The following PLD4 variants were observed in gnomAD, a reference collection of about 807,000 sequenced individuals.
The protein encoded by PLD4 is phospholipase D family member 4.
Under a neutral mutation model 52.3 loss-of-function variants are expected in PLD4, and 54 were observed. The ratio of observed to expected loss-of-function variants is 1.03; its 90% confidence interval spans 0.83 to 1.30. The LOEUF is 1.30. Among genes scored for constraint, PLD4 ranks in the 50% most tolerant of loss-of-function variants. The pLI is 0.00. For synonymous variants in PLD4, 264 were observed against 286.5 expected (o/e 0.92, Z 0.79); for missense variants, 731 against 671.1 (o/e 1.09, Z -0.99).
At chr14:104,927,369 T>C in intron 2 of PLD4, 139 bp downstream of exon 2, 3 of 817,390 alleles carry the variant, frequency 3.7e-6, no homozygotes, top group Non-Finnish European at 3.7e-6. Flanking sequence ...AAGGGAAGCC[T>C]CCCTGGGCTG....
At position 104,933,210 on chromosome 14, in the gene PLD4, C is replaced by T; in HGVS notation, c.*246C>T. 2.2e-6 allele frequency: 1 copy of T among 447,678 alleles called. No homozygotes were observed. The highest frequency in any genetic ancestry group is 3.6e-5 in the East Asian group (1 of 27,732). The allele number at this position is 447,678 out of a possible 1,614,324, so 27.7% of individuals were successfully genotyped here. A position where few individuals can be genotyped will look rare whatever the true frequency, so the allele number is the denominator to read the frequency against. Reference sequence around the variant, plus strand: ...CCTTCCCTGACTCCTGGCCCACAGGCCAGGCCTAAAAAAAACTCGTGGCTT... The same window carrying T: ...CCTTCCCTGACTCCTGGCCCACAGGTCAGGCCTAAAAAAAACTCGTGGCTT... On this transcript the variant is annotated 3_prime_UTR_variant, in exon 11 of 11. Coordinates refer to ENST00000392593, the MANE Select transcript of PLD4 (RefSeq NM_138790.5).
chr14:104,927,379 G>A, intron 2 of PLD4, 149 bp downstream of exon 2: 3 of 755,020 alleles, frequency 4.0e-6, no homozygotes, highest in South Asian at 4.0e-5. Flanking sequence ...TCCCTGGGCT[G>A]CTCCAGACCT....
In PLD4 at chr14:104,932,384, GC is replaced by G; in HGVS notation, c.1321+33del. 1 of 1,607,828 alleles carries G rather than the reference GC, an allele frequency of 6.2e-7. No individual in the cohort carries two copies. On this transcript the variant is annotated intron_variant, in intron 10 of 10. Transcript: ENST00000392593. The surrounding 1 kb of genome is among the most constrained non-coding windows in gnomAD (Gnocchi z 6.5). ...AGCGCGATCAGATCACGGCGGGCGGGCCCCAGGGTGGCCAGGCACGGGCGAG... is the reference window on the plus strand; with the variant it reads ...AGCGCGATCAGATCACGGCGGGCGGGCCCAGGGTGGCCAGGCACGGGCGAG...
intron 1 of PLD4, among the ~76,000 whole-genome samples, chr14:104,925,861 C>T (rs910783962): frequency 2.6e-5 from 4 of 152,176 alleles, no homozygotes; most frequent in Middle Eastern, 3.4e-3. Context: ...GGAGTTGGGC[C>T]GCAGTGACTT....
rs191212405 is a variant in PLD4 at position 104,931,749 on chromosome 14, C to T, written c.920C>T (p.Ala307Val). ...TCAGGGATTTCTCTCCCGTCACAGG[C>T]GTCGCCACCAGCACTCTGTCCCCAG... Reference protein sequence around the residue: ...DGVPTTAYFSASPPALCPQGR... With the variant: ...DGVPTTAYFSVSPPALCPQGR... The change falls in exon 8 of 11, where the codon GCG (alanine) becomes GTG (valine). Residue 307 changes from alanine (A) to valine (V), a missense_variant and splice_region_variant. Ala to Val is a moderately conservative substitution (Grantham distance 64). Transcript: ENST00000392593. The T allele has an allele frequency of 1.3e-6, 2 of 1,585,124 alleles. No homozygotes were observed. The highest frequency in any genetic ancestry group is 2.3e-5 in the East Asian group (1 of 43,714).
chr14:104,927,350 C>A, intron 2 of PLD4, 120 bp downstream of exon 2: 1 of 927,680 alleles, frequency 1.1e-6, no homozygotes, highest in Non-Finnish European at 1.6e-6. Flanking sequence ...GGTGCCCTGA[C>A]TGGTGGGCAA....
intron 2 of PLD4, 63 bp from the exon 3 acceptor site, chr14:104,927,610 G>A (rs941038069): frequency 8.2e-6 from 12 of 1,463,078 alleles, no homozygotes; most frequent in Middle Eastern, 4.8e-4. Context: ...AGGGGCCATC[G>A]TGGCCCAGCC....
Position 104,933,123 on chromosome 14 carries a change from T to A in PLD4, c.*159T>A. The stretch of plus-strand genomic sequence containing the variant: ...GGCGTCGCAAACCGCCCGCCTGCTC[T>A]CTGATTTCCGAGTCCAGCCCCCCCT... On this transcript the variant is annotated 3_prime_UTR_variant, in exon 11 of 11. Coordinates refer to ENST00000392593, the MANE Select transcript of PLD4 (RefSeq NM_138790.5). 1 of 810,260 alleles carries A rather than the reference T, an allele frequency of 1.2e-6. No individual in the cohort carries two copies. The highest frequency in any genetic ancestry group is 3.1e-5 in the East Asian group (1 of 32,314). The allele number at this position is 810,260 out of a possible 1,614,324, so 50.2% of individuals were successfully genotyped here.
Position 104,932,316 on chromosome 14 carries a change from C to T in PLD4, c.1282C>T (p.His428Tyr), listed in dbSNP as rs762407353. The T allele has an allele frequency of 1.2e-6, 2 of 1,612,554 alleles. No homozygotes were observed. The highest frequency in any genetic ancestry group is 2.2e-5 in the East Asian group (1 of 44,878). The change falls in exon 10 of 11, where the codon CAC becomes TAC. Residue 428 changes from histidine to tyrosine, a missense_variant. Transcript: ENST00000392593. This position sits in a 1 kb window ranked among gnomAD's most constrained non-coding sequence, Gnocchi z 6.5. ...HSNIPFSRVN[H>Y]SKFMVTEKAA... The stretch of plus-strand genomic sequence containing the variant: ...CAACATCCCATTCAGCAGGGTGAAC[C>T]ACAGCAAGTTCATGGTCACGGAGAA...
rs775973174 is a variant in PLD4 at position 104,931,774 on chromosome 14, G to C, written c.945G>C (p.Gln315His). ...CGTCGCCACCAGCACTCTGTCCCCAGGGCCGCACCCGGGACCTGGAGGCGC... is the reference window on the plus strand; with the variant it reads ...CGTCGCCACCAGCACTCTGTCCCCACGGCCGCACCCGGGACCTGGAGGCGC... ...FSASPPALCP[Q>H]GRTRDLEALL... The change falls in exon 8 of 11, where the codon CAG becomes CAC. Residue 315 changes from glutamine to histidine, a missense_variant. By Grantham distance (24) the Gln-to-His change is conservative (BLOSUM62 0). Transcript: ENST00000392593. 7.5e-6 allele frequency: 12 copies of C among 1,589,968 alleles called. No individual in the cohort carries two copies. In the Admixed American group the frequency reaches 1.1e-4, roughly 14 times the overall value.
At chr14:104,929,604 G>T (rs1897575553) in intron 5 of PLD4, among the ~76,000 whole-genome samples, 177 bp downstream of exon 5, 1 of 152,190 alleles carries the variant, frequency 6.6e-6, no homozygotes, top group Admixed American at 6.5e-5. Context: ...CTTCACCTGG[G>T]CACAGGGCTG....
rs542877752 is a variant in PLD4 at position 104,932,708 on chromosome 14, G to A, written c.1322-57G>A. On this transcript the variant is annotated intron_variant, in intron 10 of 10. Transcript: ENST00000392593. This position sits in a 1 kb window ranked among gnomAD's most constrained non-coding sequence, Gnocchi z 6.5. ...CGTAGCCGGGCCTGGCGCTGAGCGG[G>A]CTGCAGAGGGGCCTGTGGGAGCCGG... The A allele has an allele frequency of 4.9e-5, 71 of 1,445,804 alleles. No individual in the cohort carries two copies. In the African/African-American group the frequency reaches 8.5e-4, roughly 17 times the overall value. The allele number at this position is 1,445,804 out of a possible 1,614,324, so 89.6% of individuals were successfully genotyped here.
chr14:104,928,914 C>T lies in PLD4; in HGVS notation c.450C>T (p.Asn150=), dbSNP rs754683873. 16 of 1,602,328 alleles carry T rather than the reference C, an allele frequency of 1.0e-5. No individual in the cohort carries two copies. The highest frequency in any genetic ancestry group is 4.0e-5 in the African/African-American group (3 of 74,720). Residue 150 remains asparagine, a synonymous_variant, in exon 4 of 11, where the codon AAC becomes AAT. Transcript: ENST00000392593. ...TCACAGGGCCTGACATCGGGGTCAA[C>T]GACTCGTCTTCCCAGCTGGTGCGCC... is the stretch of plus-strand genomic sequence containing the variant. ...WSLTGPDIGV[N]DSSSQLGEAL...
Position 104,932,160 on chromosome 14 carries a change from A to ACG in PLD4, c.1207_1208insCG (p.Asn403ThrfsTer7), listed in dbSNP as rs1897673935. ...GCAGGCGCTCAGCAACCCCGCGGCC[A>ACG]ACGTCTCTGTGGACGTGGTGAGGGC... is the stretch of plus-strand genomic sequence containing the variant. On this transcript the variant is annotated frameshift_variant, in exon 9 of 11. Coordinates refer to ENST00000392593, the MANE Select transcript of PLD4 (RefSeq NM_138790.5). LOFTEE classifies it high-confidence loss of function. The surrounding 1 kb of genome is among the most constrained non-coding windows in gnomAD (Gnocchi z 6.5). 6.2e-7 allele frequency: 1 copy of ACG among 1,611,006 alleles called. No individual in the cohort carries two copies. Among genetic ancestry groups the ACG allele is most frequent in the African/African-American group, 1.3e-5 (1 of 74,878 alleles).
chr14:104,931,455 G>C (rs1408710924), intron 7 of PLD4, among the ~76,000 whole-genome samples: 1 of 152,164 alleles, frequency 6.6e-6, no homozygotes, highest in Non-Finnish European at 1.5e-5. Context: ...ATGGGGGTGG[G>C]GGTGGCACCC....
chr14:104,929,932 C>T (rs75364586), intron 5 of PLD4, 46 bp from the exon 6 acceptor site: 49,218 of 1,606,844 alleles, frequency 0.031, 828 homozygotes, highest in Middle Eastern at 0.051. Flanking sequence ...ATGAAGCTAG[C>T]ACTTAGCAAG....
intron 4 of PLD4, 112 bp downstream of exon 4, chr14:104,929,044 G>T (rs1897553401): frequency 7.3e-7 from 1 of 1,375,794 alleles, no homozygotes; most frequent in Non-Finnish European, 9.8e-7. Context: ...CTTGGTGGTA[G>T]GGTCTAGCAT....
At chr14:104,925,457 G>T (rs1897422518) in intron 1 of PLD4, among the ~76,000 whole-genome samples, 1 of 152,012 alleles carries the variant, frequency 6.6e-6, no homozygotes, top group East Asian at 1.9e-4. Flanking sequence ...CAGGCTCCAA[G>T]TCTGAGATGG....
rs1297955310 is a variant in PLD4, at chr14:104,927,767, A to G, written c.185A>G (p.Gln62Arg). The change falls in exon 3 of 11, where the codon CAG becomes CGG. Residue 62 changes from glutamine (Q) to arginine (R), a missense_variant. Coordinates refer to ENST00000392593, the MANE Select transcript of PLD4 (RefSeq NM_138790.5). ...WQVPRPPTWG[Q>R]VQPKDVPRSW... ...GTGCCCCGTCCTCCCACCTGGGGCC[A>G]GGTGCAGCCCAAGGACGTGCCCAGG... The G allele has an allele frequency of 5.0e-6, 8 of 1,599,154 alleles. No homozygotes were observed.
Sources: gnomAD v4.1 joint callset for allele counts (sites outside exome capture counted in the v4.1 genomes callset) on GRCh38, gnomAD v4.1.1 for gene constraint, Gnocchi (gnomAD v3.1) non-coding constraint, MANE v1.5 for transcripts, NCBI Gene and HGNC (gene_info 2026-07-23, HGNC 2026-07-21) for gene names.